Variants in SULT2B1 observed in about 807,000 individuals in gnomAD.
SULT2B1 encodes sulfotransferase 2B1.
SULT2B1 carries 16 observed loss-of-function variants against 33.2 expected under a neutral mutation model. The ratio of observed to expected loss-of-function variants is 0.48; its 90% CI spans 0.33 to 0.73. The LOEUF (loss-of-function observed/expected upper bound fraction) is 0.73, where lower values mean the gene tolerates loss of function less well. SULT2B1 is among the 30% of genes least tolerant of loss of function. SULT2B1 has a pLI of 0.02. For synonymous variants in SULT2B1, 186 were observed against 200.5 expected (o/e 0.93, Z 0.61); for missense variants, 500 against 506.0 (o/e 0.99, Z 0.11).
intron 1 of SULT2B1, among the ~76,000 whole-genome samples, chr19:48,564,218 C>T (rs979467845): frequency 2.0e-5 from 3 of 150,916 alleles, no homozygotes; most frequent in African/African-American, 7.3e-5. Context: ...TGCACTCCAG[C>T]CTGGCGACAG....
At position 48,552,450 on chromosome 19, in the gene SULT2B1, G is replaced by A. The variant is rs1973042181; in HGVS notation, c.71+127G>A. On this transcript the variant is annotated intron_variant, in intron 1 of 6. Transcript: ENST00000201586. The surrounding 1 kb of genome is among the most constrained non-coding windows in gnomAD (Gnocchi z 4.8). Reference sequence around the variant, plus strand: ...CCGCAGGCCTGGCCCAGACTTAGCTGGAGGGGCTGGGCTGGGCTGGGGCAT... The same window carrying A: ...CCGCAGGCCTGGCCCAGACTTAGCTAGAGGGGCTGGGCTGGGCTGGGGCAT... 1 of 999,870 alleles carries A rather than the reference G, an allele frequency of 1.0e-6. No individual in the cohort carries two copies. The highest frequency in any genetic ancestry group is 1.5e-5 in the South Asian group (1 of 65,084). The allele number at this position is 999,870 out of a possible 1,614,324, so 61.9% of individuals were successfully genotyped here. A position where few individuals can be genotyped will look rare whatever the true frequency, so the allele number is the denominator to read the frequency against.
At chr19:48,553,613 G>A (rs888036886) in intron 1 of SULT2B1, among the ~76,000 whole-genome samples, 7 of 152,056 alleles carry the variant, frequency 4.6e-5, no homozygotes, top group African/African-American at 7.2e-5. Context: ...ACGCCTGGCC[G>A]CCTCATTTCA....
At position 48,589,855 on chromosome 19, in the gene SULT2B1, G is replaced by A. The variant is rs191918891; in HGVS notation, c.424-1754G>A. 2.4e-4 allele frequency among the ~76,000 whole-genome samples: 37 copies of A among 152,346 alleles called. 1 individual carries two copies. In the East Asian group the frequency reaches 7.1e-3, roughly 29 times the overall value. On this transcript the variant is annotated intron_variant, in intron 3 of 6. Transcript: ENST00000201586. ...TACACCTGTAGTCCCAGCTACTTGGGAGGCTGAGGTAGGAAGATCACTTGA... is the reference window on the plus strand; with the variant it reads ...TACACCTGTAGTCCCAGCTACTTGGAAGGCTGAGGTAGGAAGATCACTTGA...
At chr19:48,586,608 G>A (rs569014963) in intron 2 of SULT2B1, among the ~76,000 whole-genome samples, 3 of 152,302 alleles carry the variant, frequency 2.0e-5, no homozygotes, top group South Asian at 2.1e-4. Context: ...AGGTCATCAC[G>A]CCATATTCCC....
At chr19:48,574,141 T>G (rs1334219751) in intron 1 of SULT2B1, among the ~76,000 whole-genome samples, 2 of 152,166 alleles carry the variant, frequency 1.3e-5, no homozygotes, top group African/African-American at 4.8e-5. Context: ...GGACTACAGG[T>G]GCAAGCCACT....
At chr19:48,570,747 C>CAGAG (rs1402995902) in intron 1 of SULT2B1, among the ~76,000 whole-genome samples, 2 of 150,934 alleles carry the variant, frequency 1.3e-5, no homozygotes, top group South Asian at 4.2e-4. Context: ...TTTTCTGAGA[C>CAGAG]AGAGTCTCAC....
chr19:48,592,674 G>A (rs1181496395), intron 4 of SULT2B1, 48 bp from the exon 5 acceptor site: 1 of 1,523,880 alleles, frequency 6.6e-7, no homozygotes, highest in East Asian at 2.4e-5. Context: ...GTGGGGCTGG[G>A]GGAACCCCGC....
intron 3 of SULT2B1, chr19:48,591,338 GCA>G: frequency 3.5e-6 from 1 of 284,898 alleles, no homozygotes; most frequent in Non-Finnish European, 6.7e-6. Flanking sequence ...TGATGTGGTG[GCA>G]CGCTCCTGTA....
intron 1 of SULT2B1, among the ~76,000 whole-genome samples, chr19:48,565,441 T>C (rs1190148036): frequency 6.6e-6 from 1 of 151,524 alleles, no homozygotes; most frequent in Non-Finnish European, 1.5e-5. Flanking sequence ...GTGCAATGGC[T>C]AGATCTTGGC....
intron 2 of SULT2B1, among the ~76,000 whole-genome samples, chr19:48,577,621 C>T (rs1973431609): frequency 6.6e-6 from 1 of 151,938 alleles, no homozygotes; most frequent in African/African-American, 2.4e-5. Flanking sequence ...ACCTCGGCCT[C>T]CCAAAGTGCT....
chr19:48,576,359 C>CTTTTCTTTCTTTTTTTTTTTT lies in SULT2B1; in HGVS notation c.214+280_214+281insCTTTCTTTTTTTTTTTTTTTT. Among the ~76,000 whole-genome samples the CTTTTCTTTCTTTTTTTTTTTT allele has an allele frequency of 9.8e-3, 947 of 96,622 alleles. 62 individuals carry two copies. The highest frequency in any genetic ancestry group is 0.022 in the African/African-American group (519 of 23,252). 63.4% of individuals were successfully genotyped at this position (96,622 alleles called of 152,430 possible). On this transcript the variant is annotated intron_variant, in intron 2 of 6. Transcript: ENST00000201586. ...CCTTTCCCCTTTACCCTCTACTTCTCTTTTTTTTTTTTTTTTTTGTAGAGA... is the reference window on the plus strand; with the variant it reads ...CCTTTCCCCTTTACCCTCTACTTCTCTTTTCTTTCTTTTTTTTTTTTTTTTTTTTTTTTTTTTTTGTAGAGA...
intron 1 of SULT2B1, among the ~76,000 whole-genome samples, chr19:48,563,621 G>A (rs1973206537): frequency 1.3e-5 from 2 of 152,094 alleles, no homozygotes; most frequent in African/African-American, 4.8e-5. Context: ...TACGGTGGGG[G>A]ACGTAGAGGG....
At chr19:48,562,477 G>C (rs548069097) in intron 1 of SULT2B1, among the ~76,000 whole-genome samples, 1 of 149,022 alleles carries the variant, frequency 6.7e-6, no homozygotes, top group Non-Finnish European at 1.5e-5. Context: ...CTTGAACCCC[G>C]GGAGGTAGGG....
chr19:48,571,289 C>T (rs373174283), intron 1 of SULT2B1, among the ~76,000 whole-genome samples: 10 of 151,716 alleles, frequency 6.6e-5, no homozygotes, highest in South Asian at 4.2e-4. Flanking sequence ...CTCTGCCTCC[C>T]GGGTTCAAGC....
intron 3 of SULT2B1, among the ~76,000 whole-genome samples, chr19:48,590,533 C>G (rs1181402993): frequency 6.6e-6 from 1 of 151,960 alleles, no homozygotes; most frequent in Admixed American, 6.6e-5. Flanking sequence ...ACCTGGGAGG[C>G]AGAGGTTGCA....
intron 2 of SULT2B1, among the ~76,000 whole-genome samples, chr19:48,576,692 T>G (rs1218180698): frequency 6.8e-6 from 1 of 146,270 alleles, no homozygotes; most frequent in East Asian, 2.0e-4. Flanking sequence ...CAGGCTTCAG[T>G]GTGATGGTAC....
intron 2 of SULT2B1, among the ~76,000 whole-genome samples, chr19:48,576,467 G>A (rs1973412173): frequency 6.8e-6 from 1 of 146,144 alleles, no homozygotes. Context: ...AAAGTGCTGG[G>A]ATTACAGGCG....
At chr19:48,586,369 C>A (rs1973561647) in intron 2 of SULT2B1, among the ~76,000 whole-genome samples, 1 of 152,194 alleles carries the variant, frequency 6.6e-6, no homozygotes, top group South Asian at 2.1e-4. Flanking sequence ...GATATCCATG[C>A]ATTCCCAGAC....
intron 2 of SULT2B1, among the ~76,000 whole-genome samples, chr19:48,582,571 G>A (rs576935507): frequency 6.6e-5 from 10 of 152,232 alleles, no homozygotes; most frequent in Admixed American, 4.6e-4. Flanking sequence ...TCTCTGAGCC[G>A]GGGGTGTGGT....
Sources: gnomAD v4.1 joint callset for allele counts (sites outside exome capture counted in the v4.1 genomes callset) on GRCh38, gnomAD v4.1.1 for gene constraint, Gnocchi (gnomAD v3.1) non-coding constraint, MANE v1.5 for transcripts, NCBI Gene and HGNC (gene_info 2026-07-23, HGNC 2026-07-21) for gene names.